MYO1B: variants seen among roughly 807,000 people sequenced by gnomAD.
The protein encoded by MYO1B is myosin IB, also known as unconventional myosin-Ib.
MYO1B carries 72 observed loss-of-function variants against 159.7 expected under a neutral mutation model. That is an observed-to-expected ratio of 0.45 (90% confidence interval 0.37 to 0.55). MYO1B has a LOEUF of 0.55. MYO1B is among the 20% of genes least tolerant of loss of function. The pLI is 0.00. For missense variants in MYO1B, 1,062 were observed against 1,364.8 expected (o/e 0.78, Z 3.50); for synonymous variants, 468 against 473.8 (o/e 0.99, Z 0.16).
At chr2:191,338,134 A>G (rs928935371) in intron 4 of MYO1B, among the ~76,000 whole-genome samples, 2 of 118,734 alleles carry the variant, frequency 1.7e-5, no homozygotes, top group Admixed American at 1.6e-4. Context: ...GGTCAAGTAT[A>G]TGTCAGGAAA....
intron 6 of MYO1B, 26 bp from the exon 7 acceptor site, chr2:191,350,136 A>C (rs1392106974): frequency 1.2e-6 from 2 of 1,604,124 alleles, no homozygotes; most frequent in Non-Finnish European, 1.7e-6. Context: ...ATGAACTAGA[A>C]AACTCACAAA....
At chr2:191,295,763 GAGAGCATGGCTCTTGCTTAC>G in intron 2 of MYO1B, among the ~76,000 whole-genome samples, 1 of 152,290 alleles carries the variant, frequency 6.6e-6, no homozygotes, top group African/African-American at 2.4e-5. Flanking sequence ...TAGAATCAGG[GAGAGCATGGCTCTTGCTTAC>G]AGTTAGCAGT....
chr2:191,263,445 A>G (rs1686943399), intron 1 of MYO1B: 2 of 540,520 alleles, frequency 3.7e-6, no homozygotes, highest in Non-Finnish European at 4.7e-6. Context: ...ATTTAAAAAG[A>G]ACTCTAGTTT....
chr2:191,345,746 T>G (rs1692526028), intron 5 of MYO1B, among the ~76,000 whole-genome samples: 1 of 152,182 alleles, frequency 6.6e-6, no homozygotes, highest in Non-Finnish European at 1.5e-5. Context: ...AGCTATATAA[T>G]TAATAATATT....
At chr2:191,391,854 TGAAATC>T (rs1388975844) in intron 18 of MYO1B, among the ~76,000 whole-genome samples, 1 of 152,232 alleles carries the variant, frequency 6.6e-6, no homozygotes, top group Non-Finnish European at 1.5e-5. Context: ...CCTCTACTAA[TGAAATC>T]AAGAAATTGG....
At chr2:191,416,996 T>C (rs1344164475) in intron 30 of MYO1B, among the ~76,000 whole-genome samples, 1 of 152,250 alleles carries the variant, frequency 6.6e-6, no homozygotes, top group Non-Finnish European at 1.5e-5. Context: ...TGGAGAAATC[T>C]GAGTTACTGT....
rs1694288098 is a variant in MYO1B at position 191,370,429 on chromosome 2, C to T, written c.1185+137C>T. 4.6e-6 allele frequency: 3 copies of T among 650,602 alleles called. No individual in the cohort carries two copies. The Admixed American group carries it at 9.1e-5, about 20-fold the overall frequency. The allele number at this position is 650,602 out of a possible 1,614,324, so 40.3% of individuals were successfully genotyped here. On this transcript the variant is annotated intron_variant, in intron 13 of 30. Coordinates refer to ENST00000392318, the MANE Select transcript of MYO1B (RefSeq NM_001130158.3). ...TCCTTGTGTAGATGTAACACACTATCACTTTGAATCTGCCAACAAATCTTT... is the reference window on the plus strand; with the variant it reads ...TCCTTGTGTAGATGTAACACACTATTACTTTGAATCTGCCAACAAATCTTT...
intron 1 of MYO1B, chr2:191,245,951 T>A (rs1004497786): frequency 6.6e-6 from 1 of 152,298 alleles, no homozygotes; most frequent in Non-Finnish European, 1.5e-5. Context: ...GCTGTCCTCG[T>A]GTTCACCCAC....
intron 2 of MYO1B, among the ~76,000 whole-genome samples, chr2:191,288,312 T>C (rs540872182): frequency 6.6e-6 from 1 of 151,758 alleles, no homozygotes; most frequent in Admixed American, 6.6e-5. Context: ...AAACCTAACG[T>C]CTTATGTCAC....
At chr2:191,396,784 C>T (rs997537372) in intron 21 of MYO1B, among the ~76,000 whole-genome samples, 2 of 152,142 alleles carry the variant, frequency 1.3e-5, no homozygotes, top group Non-Finnish European at 2.9e-5. Flanking sequence ...CCCGTGTTTT[C>T]GAGAAAAGCT....
chr2:191,385,081 T>A (rs1382561827), intron 15 of MYO1B, among the ~76,000 whole-genome samples: 1 of 152,160 alleles, frequency 6.6e-6, no homozygotes, highest in African/African-American at 2.4e-5. Context: ...TGGAGTGGAT[T>A]GTTTTTGGAA....
chr2:191,253,683 C>T (rs528416500), intron 1 of MYO1B, among the ~76,000 whole-genome samples: 43 of 152,274 alleles, frequency 2.8e-4, no homozygotes, highest in African/African-American at 9.9e-4. Context: ...TCCATATTTG[C>T]GTCAGTTGAC....
intron 1 of MYO1B, among the ~76,000 whole-genome samples, chr2:191,248,826 T>G (rs1449056720): frequency 1.3e-5 from 2 of 152,214 alleles, no homozygotes; most frequent in African/African-American, 4.8e-5. Context: ...AACAACAGTT[T>G]GATTATCTAG....
At chr2:191,398,429 C>CA (rs1157203567) in intron 21 of MYO1B, among the ~76,000 whole-genome samples, 3 of 145,822 alleles carry the variant, frequency 2.1e-5, no homozygotes, top group Non-Finnish European at 4.6e-5. Context: ...GCTGACCCCC[C>CA]CCCACCTCCC....
chr2:191,350,755 TC>T (rs1692861120), intron 7 of MYO1B, among the ~76,000 whole-genome samples: 1 of 151,944 alleles, frequency 6.6e-6, no homozygotes, highest in African/African-American at 2.4e-5. Context: ...TTTTTAACCT[TC>T]TTTAGACATG....
At chr2:191,351,059 G>A (rs1559191636) in intron 7 of MYO1B, among the ~76,000 whole-genome samples, 1 of 152,104 alleles carries the variant, frequency 6.6e-6, no homozygotes, top group Non-Finnish European at 1.5e-5. Flanking sequence ...CTCAGCCACA[G>A]TCTGGTTATC....
intron 1 of MYO1B, among the ~76,000 whole-genome samples, chr2:191,261,652 AT>A (rs1686818024): frequency 6.6e-6 from 1 of 152,178 alleles, no homozygotes; most frequent in Non-Finnish European, 1.5e-5. Flanking sequence ...ATATGCCTGA[AT>A]TCAGCAAGGC....
intron 24 of MYO1B, among the ~76,000 whole-genome samples, chr2:191,405,090 A>G (rs1696836434): frequency 6.6e-6 from 1 of 152,218 alleles, no homozygotes; most frequent in Non-Finnish European, 1.5e-5. Context: ...GGTTTTGTCA[A>G]CTAAGCTTAT....
intron 24 of MYO1B, among the ~76,000 whole-genome samples, chr2:191,406,775 T>G (rs1696941476): frequency 6.6e-6 from 1 of 152,212 alleles, no homozygotes; most frequent in South Asian, 2.1e-4. Flanking sequence ...ATAGGCTTGT[T>G]TGATGCAGGG....
Sources: allele counts gnomAD v4.1 joint callset (sites outside exome capture counted in the v4.1 genomes callset), GRCh38; gene constraint gnomAD v4.1.1; transcripts MANE v1.5; gene names NCBI Gene and HGNC (gene_info 2026-07-23, HGNC 2026-07-21).